Variants in AVIL observed in about 807,000 individuals in gnomAD.
The protein encoded by AVIL is advillin.
AVIL carries 78 observed loss-of-function variants against 109.9 expected under a neutral mutation model. That is an observed-to-expected ratio of 0.71 (90% CI 0.59 to 0.86). AVIL has a LOEUF of 0.86. Ranked by LOEUF, AVIL falls within the 40% of genes least tolerant of loss-of-function variation. AVIL has a pLI of 0.00. For synonymous variants in AVIL, 367 were observed against 379.1 expected, an observed-to-expected ratio of 0.97 and a Z score of 0.37; for missense variants, 892 against 1,016.5, an observed-to-expected ratio of 0.88 and a Z score of 1.67.
At chr12:57,815,635 T>G in intron 2 of AVIL, 2 of 1,319,920 alleles carry the variant, frequency 1.5e-6, no homozygotes, top group Non-Finnish European at 2.0e-6. Flanking sequence ...TCCATTTCTC[T>G]GATGGAAGCT....
At chr12:57,806,811 T>C (rs1955955301) in intron 13 of AVIL, among the ~76,000 whole-genome samples, 2 of 152,226 alleles carry the variant, frequency 1.3e-5, no homozygotes, top group African/African-American at 2.4e-5. Flanking sequence ...GTAGATGTTA[T>C]TATTCCATAG....
At chr12:57,816,302 C>T in intron 1 of AVIL, 1 of 428,504 alleles carries the variant, frequency 2.3e-6, no homozygotes, top group African/African-American at 2.1e-5. Context: ...CCCTTAAGAG[C>T]TCTGGTAATC....
At chr12:57,798,602 AATTT>A (rs1447101278) in intron 19 of AVIL, among the ~76,000 whole-genome samples, 1 of 151,816 alleles carries the variant, frequency 6.6e-6, no homozygotes, top group Non-Finnish European at 1.5e-5. Flanking sequence ...GGGGAAAAGA[AATTT>A]ATTCTTTTCT....
intron 1 of AVIL, among the ~76,000 whole-genome samples, chr12:57,817,290 T>C (rs1340259431): frequency 6.6e-6 from 1 of 151,478 alleles, no homozygotes; most frequent in African/African-American, 2.4e-5. Context: ...ACATACTGTT[T>C]GTTAAGAGGA....
At position 57,801,161 on chromosome 12, in the gene AVIL, T is replaced by G; in HGVS notation, c.2203A>C (p.Ile735Leu). ...LKEELGDAAA[I>L]MRITADMKNA... ...CGACTCACAGCAGTGATTCGCATGA[T>G]AGCAGCAGCATCTCCCAGCTCTTCT... Residue 735 changes from isoleucine (I) to leucine (L), a missense_variant, in exon 18 of 20, where the codon ATC becomes CTC. Transcript: ENST00000549994. 6.2e-7 allele frequency: 1 copy of G among 1,613,790 alleles called. No homozygotes were observed.
chr12:57,814,040 T>C (rs1431495954), intron 3 of AVIL, 112 bp downstream of exon 3: 17 of 1,143,762 alleles, frequency 1.5e-5, no homozygotes, highest in Middle Eastern at 5.7e-4. Flanking sequence ...TGAGGAACCA[T>C]TGAGACCGAT....
At chr12:57,801,540 G>C in intron 17 of AVIL, 1 of 196,750 alleles carries the variant, frequency 5.1e-6, no homozygotes, top group South Asian at 9.0e-5. Flanking sequence ...AGGGGTTCAA[G>C]ACTAGCCTGA....
chr12:57,810,367 G>T lies in AVIL; in HGVS notation c.743C>A (p.Ser248Ter). ...PDEIIDQKQK[S>*]TIMLYHISDS... ...TACTCACTGATACAACATGATAGTT[G>T]ATTTCTGCTTCTGATCTATGATCTC... The change falls in exon 7 of 20, where the codon TCA becomes TAA. Residue 248 changes from serine (S) to a stop codon, truncating the protein, a stop_gained. Coordinates refer to ENST00000549994, the MANE Select transcript of AVIL (RefSeq NM_006576.4). LOFTEE classifies it high-confidence loss of function. 6.2e-7 allele frequency: 1 copy of T among 1,614,190 alleles called. No individual in the cohort carries two copies. The highest frequency in any genetic ancestry group is 8.5e-7 in the Non-Finnish European group (1 of 1,180,046).
rs1279720347 is a variant in AVIL, at chr12:57,803,301, G to A, written c.1908C>T (p.Phe636=). ...CAGTAGGGTTCAGGTCATCCTGGGT[G>A]AAGTCTGTGATCTCAGTGACAACGA... is the stretch of plus-strand genomic sequence containing the variant. ...GQFVVTEITD[F]TQDDLNPTDV... Residue 636 remains phenylalanine, a synonymous_variant, in exon 16 of 20, where the codon TTC becomes TTT. Transcript: ENST00000549994. The A allele has an allele frequency of 1.2e-6, 2 of 1,614,182 alleles. No homozygotes were observed. Among genetic ancestry groups the A allele is most frequent in the Admixed American group, 3.3e-5 (2 of 60,024 alleles).
At chr12:57,802,070 A>C in intron 17 of AVIL, 90 bp downstream of exon 17, 1 of 1,420,736 alleles carries the variant, frequency 7.0e-7, no homozygotes, top group Non-Finnish European at 9.6e-7. Context: ...GGTTTCACTG[A>C]GCCGTGAATC....
At chr12:57,816,800 C>T (rs1271223653) in intron 1 of AVIL, among the ~76,000 whole-genome samples, 1 of 146,052 alleles carries the variant, frequency 6.8e-6, no homozygotes, top group Non-Finnish European at 1.5e-5. Flanking sequence ...TTTCCAGATG[C>T]AAGGAAAGTA....
intron 12 of AVIL, 31 bp from the exon 13 acceptor site, chr12:57,807,520 T>A: frequency 6.2e-7 from 1 of 1,614,222 alleles, no homozygotes. Context: ...GAAGGACCCA[T>A]GCTCCCCGCC....
intron 11 of AVIL, 147 bp downstream of exon 11, chr12:57,808,047 C>T: frequency 1.1e-6 from 1 of 951,470 alleles, no homozygotes; most frequent in Non-Finnish European, 1.7e-6. Flanking sequence ...ACTCTACAGA[C>T]TCACAAGACT....
intron 2 of AVIL, among the ~76,000 whole-genome samples, chr12:57,815,383 C>T (rs914779007): frequency 2.0e-5 from 3 of 152,188 alleles, no homozygotes; most frequent in Admixed American, 1.3e-4. Context: ...GAGGCATCAT[C>T]GCTGGGTTTT....
At chr12:57,810,284 G>T in intron 7 of AVIL, 65 bp downstream of exon 7, 1 of 1,549,016 alleles carries the variant, frequency 6.5e-7, no homozygotes, top group East Asian at 2.3e-5. Flanking sequence ...AGAGGTGGCT[G>T]GTGTTCTAGG....
At chr12:57,812,403 C>T (rs374934447) in intron 4 of AVIL, among the ~76,000 whole-genome samples, 19 of 152,038 alleles carry the variant, frequency 1.2e-4, no homozygotes, top group African/African-American at 4.1e-4. Context: ...TGCTGTGTTG[C>T]GGGGCTGGAG....
chr12:57,814,039 A>G, intron 3 of AVIL, 113 bp downstream of exon 3: 1 of 1,136,454 alleles, frequency 8.8e-7, no homozygotes, highest in Non-Finnish European at 1.3e-6. Context: ...CTGAGGAACC[A>G]TTGAGACCGA....
intron 7 of AVIL, 102 bp from the exon 8 acceptor site, chr12:57,809,992 A>T: frequency 8.3e-7 from 1 of 1,207,206 alleles, no homozygotes; most frequent in Non-Finnish European, 1.2e-6. Flanking sequence ...GTTTCTAGGT[A>T]GAGTGTGACT....
chr12:57,808,125 C>A, intron 11 of AVIL, 69 bp downstream of exon 11: 1 of 1,527,208 alleles, frequency 6.5e-7, no homozygotes, highest in Non-Finnish European at 9.1e-7. Flanking sequence ...TCACCTGCAC[C>A]CCTGCCCCCA....
Sources: gnomAD v4.1 joint callset for allele counts (sites outside exome capture counted in the v4.1 genomes callset) on GRCh38, gnomAD v4.1.1 for gene constraint, MANE v1.5 for transcripts, NCBI Gene and HGNC (gene_info 2026-07-23, HGNC 2026-07-21) for gene names.